The following KAZN variants were observed in gnomAD, a reference collection of about 807,000 sequenced individuals.
KAZN encodes kazrin.
Under a neutral mutation model 87.4 loss-of-function variants are expected in KAZN, and 40 were observed. The ratio of observed to expected loss-of-function variants is 0.46; its 90% CI spans 0.36 to 0.60. The LOEUF (loss-of-function observed/expected upper bound fraction) is 0.60. Ranked by LOEUF, KAZN falls within the 20% of genes least tolerant of loss-of-function variation. The pLI, the probability that KAZN is intolerant of heterozygous loss-of-function variation, is 0.00. For synonymous variants in KAZN, 466 were observed against 458.3 expected (o/e 1.02, Z -0.22); for missense variants, 898 against 1,073.9 (o/e 0.84, Z 2.29).
At chr1:14,227,847 T>TTATG (rs1647429709) in intron 2 of KAZN, among the ~76,000 whole-genome samples, 1 of 152,176 alleles carries the variant, frequency 6.6e-6, no homozygotes, top group Non-Finnish European at 1.5e-5. Flanking sequence ...AAACAGTATG[T>TTATG]TATGTATGTA....
chr1:14,815,344 C>T (rs1357802090), intron 1 of KAZN, among the ~76,000 whole-genome samples: 1 of 152,120 alleles, frequency 6.6e-6, no homozygotes, highest in Non-Finnish European at 1.5e-5. Context: ...AGTCCTCTGA[C>T]CCCCCTAAGA....
chr1:14,918,691 AAAAAAAAAAAAAAAAAATAT>A (rs1226236002), intron 1 of KAZN, among the ~76,000 whole-genome samples: 3 of 18,696 alleles, frequency 1.6e-4, no homozygotes, highest in African/African-American at 4.4e-4. Flanking sequence ...AAAAAAAAAA[AAAAAAAAAAAAAAAAAATAT>A]ATATATATAT....
At chr1:14,165,964 C>A (rs1311713634) in intron 1 of KAZN, among the ~76,000 whole-genome samples, 3 of 152,084 alleles carry the variant, frequency 2.0e-5, no homozygotes, top group Admixed American at 2.0e-4. Flanking sequence ...CACGGTCATA[C>A]AAAGAGCCGG....
At chr1:13,955,134 C>G (rs1294220152) in intron 1 of KAZN, among the ~76,000 whole-genome samples, 3 of 152,112 alleles carry the variant, frequency 2.0e-5, no homozygotes, top group Admixed American at 2.0e-4. Context: ...GACATATCAG[C>G]TCTTTGGGTG....
intron 1 of KAZN, among the ~76,000 whole-genome samples, chr1:14,832,750 T>C (rs1339540843): frequency 6.6e-6 from 1 of 152,214 alleles, no homozygotes; most frequent in Non-Finnish European, 1.5e-5. Flanking sequence ...TCCCGCCACT[T>C]GATTCTGCCT....
chr1:14,309,294 C>G (rs1009096107), intron 2 of KAZN, among the ~76,000 whole-genome samples: 8 of 152,178 alleles, frequency 5.3e-5, no homozygotes, highest in African/African-American at 1.9e-4. Flanking sequence ...AGAGAATTAT[C>G]AATTAATAAA....
intron 2 of KAZN, among the ~76,000 whole-genome samples, chr1:14,257,971 A>AAAAAAAAAAAAAAAAAG (rs1650670897): frequency 1.5e-5 from 2 of 132,630 alleles, no homozygotes; most frequent in Non-Finnish European, 3.1e-5. Flanking sequence ...AAAAAAAAAA[A>AAAAAAAAAAAAAAAAAG]AGAGAAAAAA....
chr1:13,989,943 C>G (rs1350161043), intron 1 of KAZN, among the ~76,000 whole-genome samples: 1 of 152,136 alleles, frequency 6.6e-6, no homozygotes, highest in Non-Finnish European at 1.5e-5. Flanking sequence ...CAAGCCAGAT[C>G]AAAAAGCTGG....
At chr1:14,268,404 T>G (rs1651662326) in intron 2 of KAZN, among the ~76,000 whole-genome samples, 1 of 151,472 alleles carries the variant, frequency 6.6e-6, no homozygotes, top group African/African-American at 2.4e-5. Context: ...TCATCCAGTT[T>G]GAAAACAAGA....
intron 2 of KAZN, among the ~76,000 whole-genome samples, chr1:14,579,052 A>T (rs563744428): frequency 6.6e-6 from 1 of 152,244 alleles, no homozygotes; most frequent in African/African-American, 2.4e-5. Context: ...TTGAGATGTC[A>T]GTTTTTTCTT....
chr1:14,232,599 G>C (rs1647970272), intron 2 of KAZN, among the ~76,000 whole-genome samples: 1 of 152,098 alleles, frequency 6.6e-6, no homozygotes, highest in African/African-American at 2.4e-5. Context: ...AGCTGATACA[G>C]GGCTGAGATA....
intron 2 of KAZN, among the ~76,000 whole-genome samples, chr1:14,506,111 A>G (rs181669847): frequency 2.0e-5 from 3 of 152,378 alleles, no homozygotes; most frequent in South Asian, 4.1e-4. Context: ...AAAAAATTAC[A>G]TAAAAAGTGA....
At chr1:14,411,506 G>A (rs1345788367) in intron 2 of KAZN, among the ~76,000 whole-genome samples, 1 of 152,228 alleles carries the variant, frequency 6.6e-6, no homozygotes, top group African/African-American at 2.4e-5. Context: ...ATGTTGGCCA[G>A]GCTGGTCTTG....
intron 2 of KAZN, among the ~76,000 whole-genome samples, chr1:14,453,171 T>G (rs1667371947): frequency 6.6e-6 from 1 of 152,020 alleles, no homozygotes; most frequent in African/African-American, 2.4e-5. Flanking sequence ...TATCCAGGAT[T>G]GTCTCGATCT....
At chr1:14,692,106 C>A in intron 1 of KAZN, 1 of 303,466 alleles carries the variant, frequency 3.3e-6, no homozygotes, top group Non-Finnish European at 6.4e-6. Context: ...ATGCAAACAT[C>A]ACCCTGTACA....
intron 2 of KAZN, among the ~76,000 whole-genome samples, chr1:14,215,181 G>T (rs1646934188): frequency 1.3e-5 from 2 of 152,140 alleles, no homozygotes; most frequent in Non-Finnish European, 2.9e-5. Context: ...AAGTGACAAA[G>T]CCCTTCAGGA....
chr1:14,383,822 C>A (rs1474119536), intron 2 of KAZN, among the ~76,000 whole-genome samples: 2 of 152,002 alleles, frequency 1.3e-5, no homozygotes, highest in Non-Finnish European at 2.9e-5. Context: ...TCCATATGAA[C>A]TTTAAAGTAG....
At chr1:15,044,270 G>GGGGGGGGGCCC in intron 4 of KAZN, 111 bp downstream of exon 4, 5 of 413,272 alleles carry the variant, frequency 1.2e-5, no homozygotes, top group East Asian at 9.1e-5. Context: ...GGTGGGTGGG[G>GGGGGGGGGCCC]CAGAGCAGAA....
At chr1:14,776,219 G>A (rs1645171599) in intron 1 of KAZN, among the ~76,000 whole-genome samples, 1 of 152,228 alleles carries the variant, frequency 6.6e-6, no homozygotes, top group South Asian at 2.1e-4. Context: ...GGCCAGGCTA[G>A]TCTTGAACTC....
Sources: gnomAD v4.1 joint callset for allele counts (sites outside exome capture counted in the v4.1 genomes callset) on GRCh38, gnomAD v4.1.1 for gene constraint, MANE v1.5 for transcripts, NCBI Gene and HGNC (gene_info 2026-07-23, HGNC 2026-07-21) for gene names.